The following SYN3 variants were observed in gnomAD, a reference collection of about 807,000 sequenced individuals.
SYN3 encodes the protein synapsin-3.
SYN3 carries 35 observed loss-of-function variants against 65.8 expected under a neutral mutation model. That is an observed-to-expected ratio of 0.53 (90% CI 0.41 to 0.70). The LOEUF is 0.70. Ranked by LOEUF, SYN3 falls within the 30% of genes least tolerant of loss-of-function variation. The pLI, the probability that SYN3 is intolerant of heterozygous loss-of-function variation, is 0.00. For missense variants in SYN3, 680 were observed against 749.0 expected, an observed-to-expected ratio of 0.91 and a Z score of 1.08; for synonymous variants, 270 against 292.9, an observed-to-expected ratio of 0.92 and a Z score of 0.80.
At chr22:33,002,258 C>T (rs1335814005) in intron 2 of SYN3, among the ~76,000 whole-genome samples, 1 of 152,138 alleles carries the variant, frequency 6.6e-6, no homozygotes, top group Non-Finnish European at 1.5e-5. Context: ...TAAGAAGAGG[C>T]AATTTCTGAG....
chr22:33,024,135 T>G lies in SYN3; in HGVS notation c.-162-17311A>C, dbSNP rs190961380. Among the ~76,000 whole-genome samples, 448 of 152,276 alleles carry G rather than the reference T, an allele frequency of 2.9e-3. 3 individuals carry two copies. Among genetic ancestry groups the G allele is most frequent in the African/African-American group, 0.01 (435 of 41,564 alleles). On this transcript the variant is annotated intron_variant, in intron 1 of 13. Coordinates refer to ENST00000358763, the MANE Select transcript of SYN3 (RefSeq NM_003490.4). The stretch of plus-strand genomic sequence containing the variant: ...TCTTTTGTGGCATGACTAGGTCTTG[T>G]TGTTTCTCAGAACTCAACTCTGTAT...
intron 6 of SYN3, among the ~76,000 whole-genome samples, chr22:32,776,942 C>T (rs762388524): frequency 2.0e-5 from 3 of 152,076 alleles, no homozygotes; most frequent in Admixed American, 1.3e-4. Flanking sequence ...TCGAAGTGCC[C>T]GTGGGTGAAC....
At chr22:32,934,380 A>T (rs1176851458) in intron 3 of SYN3, among the ~76,000 whole-genome samples, 1 of 152,204 alleles carries the variant, frequency 6.6e-6, no homozygotes, top group Non-Finnish European at 1.5e-5. Flanking sequence ...TGTACAAGTT[A>T]GAGGTTCATC....
At chr22:32,828,086 T>G (rs569245213) in intron 6 of SYN3, among the ~76,000 whole-genome samples, 3 of 152,356 alleles carry the variant, frequency 2.0e-5, no homozygotes, top group South Asian at 4.1e-4. Flanking sequence ...AGTAGAGACC[T>G]TGTTGGTCTT....
intron 6 of SYN3, among the ~76,000 whole-genome samples, chr22:32,788,782 T>G (rs1307009674): frequency 1.3e-5 from 2 of 152,230 alleles, no homozygotes; most frequent in East Asian, 3.9e-4. Context: ...AAGAACAGCT[T>G]TATTATTGTT....
At chr22:32,881,822 G>A (rs907865898) in intron 4 of SYN3, among the ~76,000 whole-genome samples, 1 of 152,148 alleles carries the variant, frequency 6.6e-6, no homozygotes, top group Non-Finnish European at 1.5e-5. Flanking sequence ...TTGGGAGGCC[G>A]AGTAGGGCAG....
chr22:32,625,711 C>T (rs541497006), intron 6 of SYN3, among the ~76,000 whole-genome samples: 1 of 152,162 alleles, frequency 6.6e-6, no homozygotes, highest in Non-Finnish European at 1.5e-5. Context: ...CACCTCTTCC[C>T]CTGACAGTGC....
intron 6 of SYN3, among the ~76,000 whole-genome samples, chr22:32,858,691 G>A (rs1274250036): frequency 6.6e-6 from 1 of 152,154 alleles, no homozygotes; most frequent in Non-Finnish European, 1.5e-5. Flanking sequence ...AGTCCTGTGT[G>A]GTTTTAATTA....
intron 6 of SYN3, among the ~76,000 whole-genome samples, chr22:32,741,907 G>A (rs2044782145): frequency 6.6e-6 from 1 of 152,094 alleles, no homozygotes; most frequent in African/African-American, 2.4e-5. Context: ...AGGCAAAGAG[G>A]AAATTAGTTA....
intron 6 of SYN3, among the ~76,000 whole-genome samples, chr22:32,759,442 A>C (rs1483029666): frequency 6.6e-6 from 1 of 152,162 alleles, no homozygotes; most frequent in East Asian, 1.9e-4. Flanking sequence ...GGCTGGGATG[A>C]AATTCTCAAT....
At chr22:32,531,922 T>TC (rs1388648785) in intron 10 of SYN3, among the ~76,000 whole-genome samples, 4 of 152,238 alleles carry the variant, frequency 2.6e-5, no homozygotes, top group Non-Finnish European at 5.9e-5. Flanking sequence ...TTTTTTTTTT[T>TC]TAATGTGAAA....
At chr22:32,791,398 C>G (rs1443793547) in intron 6 of SYN3, among the ~76,000 whole-genome samples, 5 of 152,032 alleles carry the variant, frequency 3.3e-5, no homozygotes, top group African/African-American at 1.2e-4. Flanking sequence ...GGCATATTGA[C>G]CTGGCTGAGT....
intron 4 of SYN3, among the ~76,000 whole-genome samples, chr22:32,929,268 G>A (rs1024293492): frequency 6.6e-6 from 1 of 152,118 alleles, no homozygotes; most frequent in Admixed American, 6.5e-5. Flanking sequence ...GGCAACAAGA[G>A]CGAAACTCCA....
intron 7 of SYN3, among the ~76,000 whole-genome samples, chr22:32,586,480 A>G (rs918616486): frequency 6.6e-6 from 1 of 152,150 alleles, no homozygotes; most frequent in African/African-American, 2.4e-5. Context: ...TTTTTTCCAT[A>G]AAGAATATCA....
chr22:32,840,822 G>GT (rs2047877551), intron 6 of SYN3, among the ~76,000 whole-genome samples: 1 of 152,108 alleles, frequency 6.6e-6, no homozygotes, highest in East Asian at 1.9e-4. Context: ...CTGGCTTTCC[G>GT]TCCTTGCTTA....
At chr22:32,993,792 G>T (rs1024089668) in intron 2 of SYN3, among the ~76,000 whole-genome samples, 1 of 152,168 alleles carries the variant, frequency 6.6e-6, no homozygotes, top group African/African-American at 2.4e-5. Flanking sequence ...AGAAACAGAG[G>T]CCAGAGAAGG....
At chr22:32,573,125 CCT>C (rs560139052) in intron 7 of SYN3, among the ~76,000 whole-genome samples, 48 of 152,272 alleles carry the variant, frequency 3.2e-4, no homozygotes, top group African/African-American at 5.8e-4. Context: ...AGGGTTCCCC[CCT>C]GTTTTCCCCA....
At chr22:32,626,255 T>C (rs2059664802) in intron 6 of SYN3, among the ~76,000 whole-genome samples, 1 of 152,164 alleles carries the variant, frequency 6.6e-6, no homozygotes, top group Admixed American at 6.5e-5. Context: ...CACCCTCCTC[T>C]GCACCCAGGG....
chr22:32,797,776 A>T (rs2046464871), intron 6 of SYN3, among the ~76,000 whole-genome samples: 2 of 152,296 alleles, frequency 1.3e-5, no homozygotes, highest in Non-Finnish European at 2.9e-5. Flanking sequence ...CATGTGTCAA[A>T]CCTGTTTAAA....
Sources: gnomAD v4.1 joint callset for allele counts (sites outside exome capture counted in the v4.1 genomes callset) on GRCh38, gnomAD v4.1.1 for gene constraint, MANE v1.5 for transcripts, NCBI Gene and HGNC (gene_info 2026-07-23, HGNC 2026-07-21) for gene names.